The following CEACAM4 variants were observed in gnomAD, a reference collection of about 807,000 sequenced individuals.
CEACAM4 encodes cell adhesion molecule CEACAM4.
In CEACAM4, 30 loss-of-function variants were observed where a neutral mutation model predicts 28.7. That is an observed-to-expected ratio of 1.05 (90% confidence interval 0.78 to 1.42). The LOEUF (loss-of-function observed/expected upper bound fraction) is 1.42, where lower values mean the gene tolerates loss of function less well. CEACAM4 is among the 40% of genes most tolerant of loss of function. The pLI is 0.00. For missense variants in CEACAM4, 330 were observed against 308.2 expected, an observed-to-expected ratio of 1.07 and a Z score of -0.53; for synonymous variants, 143 against 126.5, an observed-to-expected ratio of 1.13 and a Z score of -0.87.
rs1555800080 is a variant in CEACAM4 at position 41,619,369 on chromosome 19, A to C, written c.696T>G (p.Ile232Met). The stretch of plus-strand genomic sequence containing the variant: ...CTGCTTTGTGGTCGATCTGGCAGTA[A>C]ATGTTTGCATCAGAGTATAGCAATT... ...YEELLYSDAN[I>M]YCQIDHKADV... The change falls in exon 7 of 7, where the codon ATT becomes ATG. Residue 232 changes from isoleucine to methionine, a missense_variant. Ile to Met is a conservative substitution (Grantham distance 10). Coordinates refer to ENST00000221954, the MANE Select transcript of CEACAM4 (RefSeq NM_001817.4). 6.2e-7 allele frequency: 1 copy of C among 1,614,064 alleles called. No individual in the cohort carries two copies. The highest frequency in any genetic ancestry group is 8.5e-7 in the Non-Finnish European group (1 of 1,179,958).
At chr19:41,626,342 G>A (rs1240903803) in intron 1 of CEACAM4, among the ~76,000 whole-genome samples, 1 of 152,120 alleles carries the variant, frequency 6.6e-6, no homozygotes, top group African/African-American at 2.4e-5. Context: ...TCCCTCCAGG[G>A]CTCTTGTCAG....
At chr19:41,626,081 T>TGC (rs1186520657) in intron 1 of CEACAM4, 121 bp from the exon 2 acceptor site, 1 of 270,926 alleles carries the variant, frequency 3.7e-6, no homozygotes, top group Non-Finnish European at 6.1e-6. Context: ...TGTGTGTGTG[T>TGC]GTGTGTGTGT....
chr19:41,615,419 G>A (rs1156437188), downstream of CEACAM4, among the ~76,000 whole-genome samples: 1 of 152,014 alleles, frequency 6.6e-6, no homozygotes, highest in Non-Finnish European at 1.5e-5. Flanking sequence ...GGAGCCACAG[G>A]TATCTCACCT....
intron 2 of CEACAM4, among the ~76,000 whole-genome samples, chr19:41,623,414 A>G (rs993398258): frequency 6.6e-5 from 9 of 135,548 alleles, no homozygotes; most frequent in African/African-American, 2.1e-4. Context: ...TGTCTTTCGA[A>G]CTGCATTTTT....
chr19:41,616,954 G>T (rs1236726854), downstream of CEACAM4, among the ~76,000 whole-genome samples: 1 of 152,248 alleles, frequency 6.6e-6, no homozygotes. Flanking sequence ...AGTGGCAGCA[G>T]ATGTGCTAAA....
At chr19:41,626,545 G>A (rs570394670) in intron 1 of CEACAM4, among the ~76,000 whole-genome samples, 2 of 152,308 alleles carry the variant, frequency 1.3e-5, no homozygotes, top group African/African-American at 4.8e-5. Flanking sequence ...CAGTGTCTGA[G>A]GTTGTTGGCT....
chr19:41,618,012 TG>T (rs2071027103), downstream of CEACAM4, among the ~76,000 whole-genome samples: 2 of 152,178 alleles, frequency 1.3e-5, no homozygotes, highest in African/African-American at 4.8e-5. Flanking sequence ...CCTGTGGCAG[TG>T]GCAGAACACT....
chr19:41,620,814 C>G (rs73931731), intron 3 of CEACAM4, among the ~76,000 whole-genome samples, 187 bp from the exon 4 acceptor site: 13,942 of 151,914 alleles, frequency 0.092, 1,171 homozygotes, highest in East Asian at 0.33. Flanking sequence ...CACGTCTGTC[C>G]TGGCCAGAGA....
downstream of CEACAM4, among the ~76,000 whole-genome samples, chr19:41,618,332 G>A (rs538144654): frequency 1.3e-5 from 2 of 152,318 alleles, no homozygotes; most frequent in East Asian, 3.9e-4. Flanking sequence ...ATGCCAGGGG[G>A]TAAAGTGGGA....
chr19:41,616,423 G>C (rs1373604772), downstream of CEACAM4, among the ~76,000 whole-genome samples: 3 of 151,988 alleles, frequency 2.0e-5, no homozygotes, highest in Admixed American at 2.0e-4. Context: ...GCATTTTAAA[G>C]CATGTTCATA....
intron 2 of CEACAM4, among the ~76,000 whole-genome samples, chr19:41,624,847 A>C (rs1330037473): frequency 5.9e-5 from 9 of 152,194 alleles, no homozygotes; most frequent in African/African-American, 2.2e-4. Flanking sequence ...GGCACAGAGG[A>C]GGTGTTCACA....
chr19:41,625,508 G>C, intron 2 of CEACAM4, 93 bp downstream of exon 2: 2 of 1,430,404 alleles, frequency 1.4e-6, no homozygotes, highest in Non-Finnish European at 1.9e-6. Context: ...ACAAAATGCA[G>C]AGGGGGATGC....
At chr19:41,619,580 C>G in intron 6 of CEACAM4, 90 bp downstream of exon 6, 1 of 1,558,724 alleles carries the variant, frequency 6.4e-7, no homozygotes, top group Non-Finnish European at 8.7e-7. Flanking sequence ...ACTGCATTTT[C>G]CTGAATCTGA....
downstream of CEACAM4, among the ~76,000 whole-genome samples, chr19:41,615,599 G>T (rs2070974501): frequency 6.6e-6 from 1 of 152,116 alleles, no homozygotes; most frequent in Non-Finnish European, 1.5e-5. Context: ...CTCAGAGTGG[G>T]AGGGACTCCT....
At chr19:41,622,436 C>T (rs2071350156) in intron 2 of CEACAM4, among the ~76,000 whole-genome samples, 1 of 152,168 alleles carries the variant, frequency 6.6e-6, no homozygotes, top group African/African-American at 2.4e-5. Flanking sequence ...CCCTCACTGT[C>T]AACTCCATGC....
intron 4 of CEACAM4, 142 bp downstream of exon 4, chr19:41,620,433 C>A (rs192892410): frequency 1.2e-6 from 1 of 859,930 alleles, no homozygotes; most frequent in Admixed American, 3.0e-5. Context: ...ACAAGACAGT[C>A]GGGGTCCCCT....
chr19:41,619,760 G>A (rs1269574095), intron 5 of CEACAM4, 49 bp from the exon 6 acceptor site: 6 of 1,461,808 alleles, frequency 4.1e-6, no homozygotes, highest in East Asian at 2.5e-5. Context: ...GGAGGGTCAC[G>A]GAAGCCCAGC....
the CEACAM4 span, among the ~76,000 whole-genome samples, chr19:41,613,480 C>G: frequency 1.3e-5 from 2 of 149,642 alleles, no homozygotes; most frequent in African/African-American, 5.0e-5. Flanking sequence ...CTGGGGGATA[C>G]AGGCCCTGTC....
Position 41,627,042 on chromosome 19 carries a change from GGC to G in CEACAM4, c.-81_-80del. On this transcript the variant is annotated 5_prime_UTR_variant, in exon 1 of 7. Coordinates refer to ENST00000221954, the MANE Select transcript of CEACAM4 (RefSeq NM_001817.4). ...TCTTGTCAGAGCTGCTGTGACTGTCGGCTGTCGGGGCTGCTGACCTTCCTCCT... is the reference window on the plus strand; with the variant it reads ...TCTTGTCAGAGCTGCTGTGACTGTCGTGTCGGGGCTGCTGACCTTCCTCCT... 8.0e-7 allele frequency: 1 copy of G among 1,251,236 alleles called. No individual in the cohort carries two copies. 77.5% of individuals were successfully genotyped at this position (1,251,236 alleles called of 1,614,324 possible).
Sources: gnomAD v4.1 joint callset for allele counts (sites outside exome capture counted in the v4.1 genomes callset) on GRCh38, gnomAD v4.1.1 for gene constraint, MANE v1.5 for transcripts, NCBI Gene and HGNC (gene_info 2026-07-23, HGNC 2026-07-21) for gene names.